The following ZP4 variants were observed in gnomAD, a reference collection of about 807,000 sequenced individuals.
ZP4 encodes the protein zona pellucida glycoprotein 4, also known as zona pellucida sperm-binding protein 4.
Under a neutral mutation model 62.3 loss-of-function variants are expected in ZP4, and 62 were observed. The observed-to-expected ratio is 0.99, with a 90% CI of 0.81 to 1.23. The LOEUF is 1.23. ZP4 is among the 50% of genes most tolerant of loss of function. ZP4 has a pLI of 0.00. For synonymous variants in ZP4, 289 were observed against 247.3 expected, an observed-to-expected ratio of 1.17 and a Z score of -1.58; for missense variants, 774 against 656.0, an observed-to-expected ratio of 1.18 and a Z score of -1.97.
At chr1:237,883,807 G>GAGAGGAAGAGAGAGGAAGAA (rs1665000037) in intron 10 of ZP4, among the ~76,000 whole-genome samples, 1 of 150,652 alleles carries the variant, frequency 6.6e-6, no homozygotes, top group African/African-American at 2.5e-5. Context: ...GAGAGGAAGA[G>GAGAGGAAGAGAGAGGAAGAA]AGGGAGAAAG....
In ZP4 at chr1:237,887,611, G is replaced by A. The variant is rs1665136935; in HGVS notation, c.554-50C>T. The A allele has an allele frequency of 1.9e-6, 3 of 1,568,126 alleles. No individual in the cohort carries two copies. The South Asian group carries it at 3.6e-5, about 19-fold the overall frequency. On this transcript the variant is annotated intron_variant, in intron 4 of 11. Coordinates refer to ENST00000366570, the MANE Select transcript of ZP4 (RefSeq NM_021186.5). ...GGCAGGTCATCTCTCCCATTGTGGGGAGAACCAGATGAAAGTCTAACCACT... is the reference window on the plus strand; with the variant it reads ...GGCAGGTCATCTCTCCCATTGTGGGAAGAACCAGATGAAAGTCTAACCACT...
At position 237,882,567 on chromosome 1, in the gene ZP4, A is replaced by G. The variant is rs571991189; in HGVS notation, c.1496-18T>C. The stretch of plus-strand genomic sequence containing the variant: ...AGGAACACCTGGAGGATGGATGGAA[A>G]GGTAGGTTAATGTATGCTAAAACCA... On this transcript the variant is annotated intron_variant, in intron 11 of 11. Coordinates refer to ENST00000366570, the MANE Select transcript of ZP4 (RefSeq NM_021186.5). 3.1e-4 allele frequency: 489 copies of G among 1,589,632 alleles called. 5 individuals carry two copies. The South Asian group carries it at 5.3e-3, about 17-fold the overall frequency.
intron 11 of ZP4, 67 bp downstream of exon 11, chr1:237,882,675 A>G: frequency 1.3e-6 from 2 of 1,593,216 alleles, no homozygotes; most frequent in South Asian, 1.1e-5. Context: ...GAGGGATAGA[A>G]AGGAGGAAGT....
Position 237,884,859 on chromosome 1 carries a change from C to T in ZP4, c.1312-12G>A. On this transcript the variant is annotated splice_polypyrimidine_tract_variant and intron_variant, in intron 9 of 11. Coordinates refer to ENST00000366570, the MANE Select transcript of ZP4 (RefSeq NM_021186.5). Reference sequence around the variant, plus strand: ...CAGTGCAGATGCACCTGGGAGCCAACAGAATTCAGGTCATTTGTAGTATCA... The same window carrying T: ...CAGTGCAGATGCACCTGGGAGCCAATAGAATTCAGGTCATTTGTAGTATCA... 7 of 1,611,834 alleles carry T rather than the reference C, an allele frequency of 4.3e-6. No homozygotes were observed. The highest frequency in any genetic ancestry group is 3.3e-5 in the South Asian group (3 of 90,456).
At chr1:237,885,677 G>A in intron 7 of ZP4, 79 bp downstream of exon 7, 1 of 1,594,578 alleles carries the variant, frequency 6.3e-7, no homozygotes, top group Non-Finnish European at 8.5e-7. Context: ...TAAGTGTCTT[G>A]TTACTAACTT....
In ZP4 at chr1:237,890,887, TAACTTTTAGCTAACAGA is replaced by T. The variant is rs1360178537; in HGVS notation, c.-269_-253del. Reference sequence around the variant, plus strand: ...ACTTCAGAGCCCAAGAAAAATGTAGTAACTTTTAGCTAACAGAAAGGAAGGAAAGAAAGCTTCCTCAG... The same window carrying T: ...ACTTCAGAGCCCAAGAAAAATGTAGTAAGGAAGGAAAGAAAGCTTCCTCAG... On this transcript the variant is annotated 5_prime_UTR_variant, in exon 1 of 12. Coordinates refer to ENST00000366570, the MANE Select transcript of ZP4 (RefSeq NM_021186.5). The T allele has an allele frequency of 2.7e-6, 1 of 375,244 alleles. No individual in the cohort carries two copies. Among genetic ancestry groups the T allele is most frequent in the Non-Finnish European group, 4.8e-6 (1 of 210,406 alleles). 23.2% of individuals were successfully genotyped at this position (375,244 alleles called of 1,614,324 possible).
rs764874943 is a variant in ZP4 at position 237,885,496 on chromosome 1, A to G, written c.1055T>C (p.Ile352Thr). 1 of 1,614,138 alleles carries G rather than the reference A, an allele frequency of 6.2e-7. No homozygotes were observed. The highest frequency in any genetic ancestry group is 8.5e-7 in the Non-Finnish European group (1 of 1,180,024). Residue 352 changes from isoleucine (I) to threonine (T), a missense_variant, in exon 8 of 12, where the codon ATC (isoleucine) becomes ACC (threonine). Coordinates refer to ENST00000366570, the MANE Select transcript of ZP4 (RefSeq NM_021186.5). ...CAGGTAGGGGTCTGTTCTGTGAAGG[A>G]TGGAGACCTCCACGTAAATGGGATC... ...LRDPIYVEVS[I>T]LHRTDPYLGL...
chr1:237,888,286 A>G lies in ZP4; in HGVS notation c.553+72T>C. 3 of 1,442,788 alleles carry G rather than the reference A, an allele frequency of 2.1e-6. No individual in the cohort carries two copies. The South Asian group carries it at 4.9e-5, about 24-fold the overall frequency. The allele number at this position is 1,442,788 out of a possible 1,614,324, so 89.4% of individuals were successfully genotyped here. A position where few individuals can be genotyped will look rare whatever the true frequency, so the allele number is the denominator to read the frequency against. On this transcript the variant is annotated intron_variant, in intron 4 of 11. Coordinates refer to ENST00000366570, the MANE Select transcript of ZP4 (RefSeq NM_021186.5). ...TCACTTGATGTTTGCCTTCTGAGCA[A>G]ACCCCTCTCTGGGTTTCATTGTAAT...
Position 237,883,971 on chromosome 1 carries a change from CACACACACACAA to C in ZP4, c.1390+786_1390+797del, listed in dbSNP as rs1247174785. ...CAAGAACTGGTCACACACACAAACA[CACACACACACAA>C]ACACACACACACACACACACACACA... is the stretch of plus-strand genomic sequence containing the variant. On this transcript the variant is annotated intron_variant, in intron 10 of 11. Coordinates refer to ENST00000366570, the MANE Select transcript of ZP4 (RefSeq NM_021186.5). 8.1e-3 allele frequency among the ~76,000 whole-genome samples: 495 copies of C among 61,196 alleles called. 9 individuals carry two copies. The highest frequency in any genetic ancestry group is 0.038 in the African/African-American group (439 of 11,584). 40.1% of individuals were successfully genotyped at this position (61,196 alleles called of 152,430 possible).
chr1:237,888,227 G>T, intron 4 of ZP4, 131 bp downstream of exon 4: 1 of 883,926 alleles, frequency 1.1e-6, no homozygotes, highest in Non-Finnish European at 1.6e-6. Context: ...GGGATCAAGT[G>T]TTCTTGGATG....
Position 237,884,023 on chromosome 1 carries a change from C to CACAAACACACACAA in ZP4, c.1390+745_1390+746insTTGTGTGTGTTTGT, listed in dbSNP as rs1553350872. On this transcript the variant is annotated intron_variant, in intron 10 of 11. Coordinates refer to ENST00000366570, the MANE Select transcript of ZP4 (RefSeq NM_021186.5). ...ACACACACACACACACACAAACACA[C>CACAAACACACACAA]ACACACACAAACACACACAAACACA... Among the ~76,000 whole-genome samples, 160 of 65,236 alleles carry CACAAACACACACAA rather than the reference C, an allele frequency of 2.5e-3. 6 individuals are homozygous for CACAAACACACACAA. Among genetic ancestry groups the CACAAACACACACAA allele is most frequent in the African/African-American group, 5.4e-3 (99 of 18,404 alleles). The allele number at this position is 65,236 out of a possible 152,430, so 42.8% of individuals were successfully genotyped here.
rs747034618 is a variant in ZP4, at chr1:237,890,040, T to C, written c.297+15A>G. On this transcript the variant is annotated intron_variant, in intron 2 of 11. Coordinates refer to ENST00000366570, the MANE Select transcript of ZP4 (RefSeq NM_021186.5). ...GCGCTTCACACAGTCTCCCTGGCCA[T>C]TGGGTCATACTCACCCACTCAGTGA... is the stretch of plus-strand genomic sequence containing the variant. The C allele has an allele frequency of 1.5e-5, 25 of 1,614,098 alleles. No homozygotes were observed. The East Asian group carries it at 2.5e-4, about 16-fold the overall frequency.
chr1:237,889,816 A>T (rs1665193974), intron 3 of ZP4, 51 bp downstream of exon 3: 1 of 1,529,864 alleles, frequency 6.5e-7, no homozygotes, highest in African/African-American at 1.4e-5. Context: ...GAGTACTTTC[A>T]CACCCCACCC....
chr1:237,886,234 C>G (rs1665098035), intron 6 of ZP4, among the ~76,000 whole-genome samples: 1 of 152,090 alleles, frequency 6.6e-6, no homozygotes, highest in African/African-American at 2.4e-5. Context: ...AGCCTGGAGG[C>G]AAGGAAGTGC....
intron 10 of ZP4, among the ~76,000 whole-genome samples, chr1:237,884,000 ACACACAC>A (rs1665020073): frequency 9.6e-4 from 82 of 85,164 alleles, no homozygotes; most frequent in African/African-American, 3.0e-3. Context: ...ACACACACAC[ACACACAC>A]ACACACACAA....
intron 1 of ZP4, 34 bp from the exon 2 acceptor site, chr1:237,890,210 C>T (rs1263003687): frequency 8.7e-6 from 14 of 1,612,600 alleles, no homozygotes; most frequent in Middle Eastern, 1.8e-4. Flanking sequence ...GAAAACACAG[C>T]GGTCAGTCTC....
chr1:237,889,959 T>C lies in ZP4; in HGVS notation c.308A>G (p.Tyr103Cys). Residue 103 changes from tyrosine to cysteine, a missense_variant, in exon 3 of 12, where the codon TAC becomes TGC. Physicochemically the swap from Tyr to Cys is radical, Grantham distance 194. Coordinates refer to ENST00000366570, the MANE Select transcript of ZP4 (RefSeq NM_021186.5). ...TCCTTCAACTCCAACTGGCATGATG[T>C]AGTGGGAGTCCTGGAGAGACAGGCC... ...SCYVTEWDSH[Y>C]IMPVGVEGAG... The C allele has an allele frequency of 1.2e-6, 2 of 1,614,080 alleles. No individual in the cohort carries two copies. Among genetic ancestry groups the C allele is most frequent in the Non-Finnish European group, 1.7e-6 (2 of 1,180,018 alleles).
At position 237,882,478 on chromosome 1, in the gene ZP4, C is replaced by CT; in HGVS notation, c.1566dup (p.Val523SerfsTer?). The CT allele has an allele frequency of 6.2e-7, 1 of 1,609,668 alleles. No individual in the cohort carries two copies. Among genetic ancestry groups the CT allele is most frequent in the East Asian group, 2.2e-5 (1 of 44,850 alleles). Reference sequence around the variant, plus strand: ...TGTTTCTTGACAGCCAAGTAGGATACTAACAAGGCTCCAAGGATTAAGGTC... The same window carrying CT: ...TGTTTCTTGACAGCCAAGTAGGATACTTAACAAGGCTCCAAGGATTAAGGTC... On this transcript the variant is annotated frameshift_variant, in exon 12 of 12. Coordinates refer to ENST00000366570, the MANE Select transcript of ZP4 (RefSeq NM_021186.5). LOFTEE classifies it low-confidence loss of function (END_TRUNC).
At chr1:237,883,281 A>C (rs1055822213) in intron 10 of ZP4, among the ~76,000 whole-genome samples, 2 of 152,010 alleles carry the variant, frequency 1.3e-5, no homozygotes, top group Non-Finnish European at 2.9e-5. Flanking sequence ...TCTGTATCCT[A>C]TGTTTTATTA....
Sources: gnomAD v4.1 joint callset for allele counts (sites outside exome capture counted in the v4.1 genomes callset) on GRCh38, gnomAD v4.1.1 for gene constraint, MANE v1.5 for transcripts, NCBI Gene and HGNC (gene_info 2026-07-23, HGNC 2026-07-21) for gene names.